Variants in ABLIM1 observed in about 807,000 individuals in gnomAD.
ABLIM1 encodes the protein actin binding LIM protein 1, also known as actin-binding LIM protein 1.
A neutral mutation model predicts 107.0 loss-of-function variants in ABLIM1; 40 were observed. The observed-to-expected ratio is 0.37, with a 90% confidence interval of 0.29 to 0.49. The LOEUF (loss-of-function observed/expected upper bound fraction) is 0.49, where lower values mean the gene tolerates loss of function less well. Ranked by LOEUF, ABLIM1 falls within the 20% of genes least tolerant of loss-of-function variation. ABLIM1 has a pLI of 0.97. For missense variants in ABLIM1, 857 were observed against 1,008.5 expected (o/e 0.85, Z 2.04); for synonymous variants, 357 against 357.3 (o/e 1.00, Z 0.01).
At chr10:114,760,474 A>C (rs954687781) in intron 1 of ABLIM1, among the ~76,000 whole-genome samples, 3 of 151,706 alleles carry the variant, frequency 2.0e-5, no homozygotes, top group African/African-American at 7.3e-5. Flanking sequence ...CTTATAGCTC[A>C]AGAACTGATC....
the ABLIM1 span, among the ~76,000 whole-genome samples, chr10:114,773,679 G>A: frequency 4.7e-3 from 719 of 152,136 alleles, 10 homozygotes; most frequent in African/African-American, 0.016. Flanking sequence ...CTGAGATTGC[G>A]CCACTGCACT....
chr10:114,529,062 A>G (rs932834538), intron 6 of ABLIM1, among the ~76,000 whole-genome samples: 2 of 151,982 alleles, frequency 1.3e-5, no homozygotes, highest in Non-Finnish European at 2.9e-5. Flanking sequence ...CCAGGCTTCT[A>G]GTCACATGGC....
chr10:114,492,030 G>A (rs1411255421), intron 6 of ABLIM1, 152 bp from the exon 7 acceptor site: 2 of 588,082 alleles, frequency 3.4e-6, no homozygotes, highest in African/African-American at 3.8e-5. Context: ...AACAGCCCCG[G>A]AAGCTAAAGC....
chr10:114,625,071 C>A (rs1438887089), intron 1 of ABLIM1, among the ~76,000 whole-genome samples: 1 of 152,160 alleles, frequency 6.6e-6, no homozygotes, highest in Non-Finnish European at 1.5e-5. Context: ...TTTAATCTAT[C>A]ACTTCCCTTT....
chr10:114,550,586 T>C (rs747085023), intron 4 of ABLIM1, among the ~76,000 whole-genome samples: 1 of 152,070 alleles, frequency 6.6e-6, no homozygotes, highest in African/African-American at 2.4e-5. Flanking sequence ...CAGCTTACAT[T>C]AGGGTTCAGT....
At chr10:114,632,523 A>T (rs2078255120) in intron 1 of ABLIM1, 1 of 985,442 alleles carries the variant, frequency 1.0e-6, no homozygotes, top group East Asian at 1.1e-4. Context: ...TGCTAATGGC[A>T]ATTTCAAGTT....
chr10:114,519,455 T>G (rs551997761), intron 6 of ABLIM1, among the ~76,000 whole-genome samples: 2 of 152,156 alleles, frequency 1.3e-5, no homozygotes, highest in African/African-American at 2.4e-5. Flanking sequence ...TGTGAGCGAG[T>G]GCAGATTAGG....
chr10:114,744,881 G>T (rs751272510), intron 1 of ABLIM1, among the ~76,000 whole-genome samples: 14 of 151,846 alleles, frequency 9.2e-5, no homozygotes, highest in Non-Finnish European at 1.8e-4. Flanking sequence ...CGGGTGTCCA[G>T]TTGCTGGCCT....
chr10:114,505,103 C>T (rs796588748), intron 6 of ABLIM1, among the ~76,000 whole-genome samples: 21 of 152,282 alleles, frequency 1.4e-4, no homozygotes, highest in African/African-American at 5.1e-4. Flanking sequence ...GCTATTAAGT[C>T]GGCTGGTGCT....
rs1317969445 is a variant in ABLIM1 at position 114,636,809 on chromosome 10, G to T, written c.244+21148C>A. Among the ~76,000 whole-genome samples, 3 of 152,052 alleles carry T rather than the reference G, an allele frequency of 2.0e-5. No homozygotes were observed. In the East Asian group the frequency reaches 5.8e-4, roughly 29 times the overall value. On this transcript the variant is annotated intron_variant, in intron 1 of 22. Transcript: ENST00000533213. Reference sequence around the variant, plus strand: ...GCACTTTGGGAGGTTGAGGTGGATGGATCACTTGAGGTCACGAGTTTGAGA... The same window carrying T: ...GCACTTTGGGAGGTTGAGGTGGATGTATCACTTGAGGTCACGAGTTTGAGA...
upstream of ABLIM1, chr10:114,685,153 A>G (rs1158952752): frequency 6.6e-6 from 1 of 152,206 alleles, no homozygotes; most frequent in Non-Finnish European, 1.5e-5. Flanking sequence ...ACCACCCACA[A>G]TCCAACTTTT....
intron 2 of ABLIM1, among the ~76,000 whole-genome samples, chr10:114,582,726 T>C (rs1052239506): frequency 1.3e-5 from 2 of 152,152 alleles, no homozygotes; most frequent in Admixed American, 1.3e-4. Context: ...TACCAGCTAA[T>C]CTTCAACAAA....
At chr10:114,453,255 A>C in intron 13 of ABLIM1, 124 bp downstream of exon 13, 1 of 1,016,844 alleles carries the variant, frequency 9.8e-7, no homozygotes, top group East Asian at 2.5e-5. Flanking sequence ...CAGATCCTGC[A>C]ATTTAGGGTT....
chr10:114,539,596 T>A (rs975974596), intron 6 of ABLIM1, among the ~76,000 whole-genome samples: 18 of 152,198 alleles, frequency 1.2e-4, no homozygotes, highest in African/African-American at 4.3e-4. Context: ...CTTACTTGAT[T>A]ACACCCACCA....
At chr10:114,638,655 A>G (rs2078596104) in intron 1 of ABLIM1, among the ~76,000 whole-genome samples, 1 of 146,022 alleles carries the variant, frequency 6.8e-6, no homozygotes, top group Non-Finnish European at 1.5e-5. Flanking sequence ...ACACACACAC[A>G]CACACACACA....
At chr10:114,719,454 C>T (rs1031255110) in intron 1 of ABLIM1, among the ~76,000 whole-genome samples, 3 of 152,228 alleles carry the variant, frequency 2.0e-5, no homozygotes, top group African/African-American at 7.2e-5. Context: ...TATCCTTACA[C>T]TTCACCACAT....
intron 4 of ABLIM1, among the ~76,000 whole-genome samples, chr10:114,569,883 T>C (rs1285381211): frequency 1.3e-5 from 2 of 152,254 alleles, no homozygotes; most frequent in Non-Finnish European, 2.9e-5. Flanking sequence ...GATCCAGTCA[T>C]GTGTGCTGAA....
In ABLIM1 at chr10:114,763,443, A is replaced by G. The variant is rs187382805; in HGVS notation, c.-213+4618T>C. Among the ~76,000 whole-genome samples the G allele has an allele frequency of 3.4e-4, 51 of 152,064 alleles. No individual in the cohort carries two copies. In the East Asian group the frequency reaches 8.1e-3, roughly 24 times the overall value. Reference sequence around the variant, plus strand: ...GAGACTGTTGACCAGGCTGGAGTGCAGTGACATGATCTTGGCTCACTGCAA... The same window carrying G: ...GAGACTGTTGACCAGGCTGGAGTGCGGTGACATGATCTTGGCTCACTGCAA... On this transcript the variant is annotated intron_variant, in intron 1 of 15. Coordinates refer to the ABLIM1 transcript ENST00000651092.
chr10:114,733,314 AT>A (rs1466166068), intron 1 of ABLIM1, among the ~76,000 whole-genome samples: 1 of 152,168 alleles, frequency 6.6e-6, no homozygotes, highest in African/African-American at 2.4e-5. Context: ...AATCCTTTGA[AT>A]TTTTATGCAA....
Sources: gnomAD v4.1 joint callset for allele counts (sites outside exome capture counted in the v4.1 genomes callset) on GRCh38, gnomAD v4.1.1 for gene constraint, MANE v1.5 for transcripts, NCBI Gene and HGNC (gene_info 2026-07-23, HGNC 2026-07-21) for gene names.